The following TATDN2 variants were observed in gnomAD, a reference collection of about 807,000 sequenced individuals.
TATDN2 encodes the protein TatD DNase domain containing 2, also known as 3'-5' RNA nuclease TATDN2.
Under a neutral mutation model 60.3 loss-of-function variants are expected in TATDN2, and 44 were observed. That is an observed-to-expected ratio of 0.73 (90% CI 0.57 to 0.94). TATDN2 has a LOEUF of 0.94. Ranked by LOEUF, TATDN2 falls within the 40% of genes least tolerant of loss-of-function variation. The pLI is 0.00. For missense variants in TATDN2, 997 were observed against 948.0 expected, an observed-to-expected ratio of 1.05 and a Z score of -0.68; for synonymous variants, 399 against 355.8, an observed-to-expected ratio of 1.12 and a Z score of -1.37.
Position 10,249,233 on chromosome 3 carries a change from C to G in TATDN2, c.33C>G (p.Asn11Lys), listed in dbSNP as rs1200430799. Residue 11 changes from asparagine to lysine, a missense_variant, in exon 2 of 8, where the codon AAC (asparagine) becomes AAG (lysine). Transcript: ENST00000448281. ...CCGAGCGGGGCAAGGTCAAGCACAA[C>G]TGGAGCAGCACGTCGGAAGGGTGTC... is the stretch of plus-strand genomic sequence containing the variant. MASERGKVKH[N>K]WSSTSEGCPR... The G allele has an allele frequency of 6.5e-7, 1 of 1,548,352 alleles. No homozygotes were observed. The highest frequency in any genetic ancestry group is 1.9e-5 in the Admixed American group (1 of 51,790).
At chr3:10,267,897 AAAAAC>A (rs377747715) in intron 3 of TATDN2, among the ~76,000 whole-genome samples, 47 of 152,364 alleles carry the variant, frequency 3.1e-4, no homozygotes, top group African/African-American at 7.9e-4. Context: ...AGCAGGGAAA[AAAAAC>A]AAAACAGAAC....
chr3:10,255,366 A>G (rs1405176785), intron 2 of TATDN2, among the ~76,000 whole-genome samples: 1 of 152,060 alleles, frequency 6.6e-6, no homozygotes, highest in Non-Finnish European at 1.5e-5. Context: ...GGCTTCCAGG[A>G]TGTTAGGGAG....
chr3:10,249,119 G>A (rs758158744), intron 1 of TATDN2, 52 bp downstream of exon 1: 5 of 1,474,614 alleles, frequency 3.4e-6, no homozygotes, highest in Non-Finnish European at 4.5e-6. Context: ...GTCCTCCTGG[G>A]CCCGGGGTGG....
At chr3:10,258,904 G>C (rs1455761306) in intron 2 of TATDN2, among the ~76,000 whole-genome samples, 1 of 150,324 alleles carries the variant, frequency 6.7e-6, no homozygotes, top group African/African-American at 2.5e-5. Context: ...GGGTCTCACT[G>C]TATTGCCTAG....
At chr3:10,266,819 A>G (rs1311559840) in intron 3 of TATDN2, among the ~76,000 whole-genome samples, 2 of 152,136 alleles carry the variant, frequency 1.3e-5, no homozygotes, top group Non-Finnish European at 2.9e-5. Context: ...GGGCTGCAGC[A>G]TGTGGAACTC....
intron 3 of TATDN2, among the ~76,000 whole-genome samples, chr3:10,261,770 AAAT>A (rs1403637978): frequency 4.6e-5 from 7 of 152,102 alleles, no homozygotes; most frequent in Non-Finnish European, 1.0e-4. Flanking sequence ...CCATGTTTCT[AAAT>A]AATCTTTACT....
At chr3:10,257,840 G>GTTTTTTTTTTTTT (rs1698334498) in intron 2 of TATDN2, among the ~76,000 whole-genome samples, 1 of 39,022 alleles carries the variant, frequency 2.6e-5, no homozygotes, top group Non-Finnish European at 6.4e-5. Flanking sequence ...AAAGGTTTAT[G>GTTTTTTTTTTTTT]ATTTTTTTTT....
intron 2 of TATDN2, among the ~76,000 whole-genome samples, chr3:10,257,335 A>T (rs915053019): frequency 2.1e-5 from 3 of 139,978 alleles, no homozygotes; most frequent in Non-Finnish European, 4.6e-5. Context: ...ATATAAAAAG[A>T]TACAAAGAAA....
chr3:10,259,141 G>T (rs1158963894), intron 2 of TATDN2, among the ~76,000 whole-genome samples: 1 of 152,122 alleles, frequency 6.6e-6, no homozygotes, highest in Non-Finnish European at 1.5e-5. Flanking sequence ...CAAAGTGTTG[G>T]GATTACAGGC....
intron 2 of TATDN2, among the ~76,000 whole-genome samples, chr3:10,254,517 G>T (rs547953887): frequency 1.5e-4 from 23 of 152,332 alleles, no homozygotes; most frequent in African/African-American, 5.3e-4. Flanking sequence ...AGACAGGAAG[G>T]CTGGGGCCAG....
intron 2 of TATDN2, among the ~76,000 whole-genome samples, chr3:10,257,123 CA>C (rs113653723): frequency 0.38 from 56,925 of 148,776 alleles, 14,875 homozygotes; most frequent in East Asian, 0.97. Flanking sequence ...CTAAAAATAC[CA>C]AAAAAAAATT....
In TATDN2 at chr3:10,278,169, C is replaced by T. The variant is rs1698665553; in HGVS notation, c.1962-110C>T. The T allele has an allele frequency of 7.8e-7, 1 of 1,274,474 alleles. No homozygotes were observed. Among genetic ancestry groups the T allele is most frequent in the Non-Finnish European group, 1.1e-6 (1 of 911,506 alleles). The allele number at this position is 1,274,474 out of a possible 1,614,324, so 78.9% of individuals were successfully genotyped here. On this transcript the variant is annotated intron_variant, in intron 5 of 7. Transcript: ENST00000448281. The surrounding 1 kb of genome is among the most constrained non-coding windows in gnomAD (Gnocchi z 4.7). ...TACTGTGGAGTCCTTCCCTAGGATGCAGTCTTTCCATTTCTGGGAATCATT... is the reference window on the plus strand; with the variant it reads ...TACTGTGGAGTCCTTCCCTAGGATGTAGTCTTTCCATTTCTGGGAATCATT...
rs561367194 is a variant in TATDN2 at position 10,249,522 on chromosome 3, G to A, written c.322G>A (p.Gly108Arg). Residue 108 changes from glycine to arginine, a missense_variant, in exon 2 of 8, where the codon GGG (glycine) becomes AGG (arginine). Coordinates refer to ENST00000448281, the MANE Select transcript of TATDN2 (RefSeq NM_014760.4). ...AGGCTGCCTGATTCGGAACACTCGG[G>A]GGTTCCTGTCTTCAGGGGGATCCCC... is the stretch of plus-strand genomic sequence containing the variant. The part of the protein sequence containing the change: ...SKGCLIRNTR[G>R]FLSSGGSPLR... 2 of 1,606,808 alleles carry A rather than the reference G, an allele frequency of 1.2e-6. No homozygotes were observed. The highest frequency in any genetic ancestry group is 1.1e-5 in the South Asian group (1 of 90,202).
intron 2 of TATDN2, among the ~76,000 whole-genome samples, chr3:10,255,878 G>T (rs1227796421): frequency 6.6e-6 from 1 of 152,232 alleles, no homozygotes; most frequent in Non-Finnish European, 1.5e-5. Context: ...AGAGGCGGAG[G>T]TTGTAAGTGA....
At chr3:10,264,526 G>A (rs1372012821) in intron 3 of TATDN2, among the ~76,000 whole-genome samples, 1 of 152,064 alleles carries the variant, frequency 6.6e-6, no homozygotes, top group African/African-American at 2.4e-5. Context: ...GAAAAGTTCT[G>A]GGAAAATTTC....
chr3:10,263,769 A>G (rs1213360480), intron 3 of TATDN2, among the ~76,000 whole-genome samples: 2 of 151,956 alleles, frequency 1.3e-5, no homozygotes, highest in Admixed American at 6.6e-5. Context: ...ATGTCTGGTA[A>G]TCTTTGGTTG....
At chr3:10,262,471 C>T (rs1698420222) in intron 3 of TATDN2, among the ~76,000 whole-genome samples, 1 of 150,256 alleles carries the variant, frequency 6.7e-6, no homozygotes, top group African/African-American at 2.4e-5. Flanking sequence ...TTTGGAATTC[C>T]AGGTTGGAAA....
Position 10,260,216 on chromosome 3 carries a change from A to T in TATDN2, c.494A>T (p.Glu165Val), listed in dbSNP as rs375916561. 68 of 1,614,076 alleles carry T rather than the reference A, an allele frequency of 4.2e-5. No homozygotes were observed. Among genetic ancestry groups the T allele is most frequent in the Non-Finnish European group, 5.5e-5 (65 of 1,180,046 alleles). Residue 165 changes from glutamate (E) to valine (V), a missense_variant, in exon 3 of 8, where the codon GAG becomes GTG. Transcript: ENST00000448281. ...AEAEGQNDTIEEPNKVQKRKR... is the reference protein window; with the variant it reads ...AEAEGQNDTIVEPNKVQKRKR... ...GCTGAGGGTCAGAATGATACAATTGAGGAACCCAACAAGGTCCAGAAAAGG... is the reference window on the plus strand; with the variant it reads ...GCTGAGGGTCAGAATGATACAATTGTGGAACCCAACAAGGTCCAGAAAAGG...
chr3:10,257,241 A>G (rs1698320330), intron 2 of TATDN2, among the ~76,000 whole-genome samples: 1 of 150,452 alleles, frequency 6.6e-6, no homozygotes, highest in African/African-American at 2.5e-5. Context: ...AGCTGAGGTT[A>G]CACCCCGCAC....
Sources: gnomAD v4.1 joint callset for allele counts (sites outside exome capture counted in the v4.1 genomes callset) on GRCh38, gnomAD v4.1.1 for gene constraint, Gnocchi (gnomAD v3.1) non-coding constraint, MANE v1.5 for transcripts, NCBI Gene and HGNC (gene_info 2026-07-23, HGNC 2026-07-21) for gene names.